The following DDB1 variants were observed in gnomAD, a reference collection of about 807,000 sequenced individuals.
The protein encoded by DDB1 is damage specific DNA binding protein 1.
In DDB1, 18 loss-of-function variants were observed where a neutral mutation model predicts 133.1. That is an observed-to-expected ratio of 0.14 (90% confidence interval 0.09 to 0.20). The LOEUF (loss-of-function observed/expected upper bound fraction) is 0.20. Ranked by LOEUF, DDB1 falls within the 10% of genes least tolerant of loss-of-function variation. The pLI, the probability that DDB1 is intolerant of heterozygous loss-of-function variation, is 1.00. For synonymous variants in DDB1, 580 were observed against 550.5 expected, an observed-to-expected ratio of 1.05 and a Z score of -0.75; for missense variants, 828 against 1,459.2, an observed-to-expected ratio of 0.57 and a Z score of 7.05.
Position 61,303,148 on chromosome 11 carries a change from C to G in DDB1, c.2840G>C (p.Arg947Pro). 1 of 1,613,998 alleles carries G rather than the reference C, an allele frequency of 6.2e-7. No homozygotes were observed. Among genetic ancestry groups the G allele is most frequent in the Non-Finnish European group, 8.5e-7 (1 of 1,179,898 alleles). ...ACTCATCCAGTTGGGATTAAAGTCT[C>G]GAGCAATCTTAAAACAGACAAGGTG... Reference protein sequence around the residue: ...PMEGNFEEIARDFNPNWMSAV... With the variant: ...PMEGNFEEIAPDFNPNWMSAV... Residue 947 changes from arginine (R) to proline (P), a missense_variant, in exon 23 of 27, where the codon CGA (arginine) becomes CCA (proline). By Grantham distance (103) the Arg-to-Pro change is moderately radical. Transcript: ENST00000301764.
Position 61,300,848 on chromosome 11 carries a change from A to T in DDB1, c.3300T>A (p.Ile1100=). 6.2e-7 allele frequency: 1 copy of T among 1,614,210 alleles called. No individual in the cohort carries two copies. Among genetic ancestry groups the T allele is most frequent in the Non-Finnish European group, 8.5e-7 (1 of 1,180,030 alleles). ...CCACCTCCTGCATCTTGGGGCGGCT[A>T]ATATCCAGGAAACTCTCAATCAAGT... is the stretch of plus-strand genomic sequence containing the variant. ...DGDLIESFLD[I]SRPKMQEVVA... The change falls in exon 26 of 27, where the codon ATT becomes ATA. Residue 1100 remains isoleucine (I), a synonymous_variant. Transcript: ENST00000301764.
intron 16 of DDB1, among the ~76,000 whole-genome samples, chr11:61,312,646 T>A (rs1033169409): frequency 6.6e-6 from 1 of 152,000 alleles, no homozygotes; most frequent in African/African-American, 2.4e-5. Context: ...GTCACCAGGC[T>A]GGAGCGCAAT....
chr11:61,322,478 G>A (rs1856198241), intron 8 of DDB1, 66 bp from the exon 9 acceptor site: 4 of 1,199,088 alleles, frequency 3.3e-6, no homozygotes, highest in East Asian at 2.3e-5. Flanking sequence ...AAAAGAGATG[G>A]TTATTGTCCA....
intron 15 of DDB1, 21 bp from the exon 16 acceptor site, chr11:61,313,727 G>A: frequency 6.3e-7 from 1 of 1,590,636 alleles, no homozygotes; most frequent in Non-Finnish European, 8.6e-7. Context: ...AATGACATCA[G>A]GAGAAAGGAA....
intron 10 of DDB1, chr11:61,321,344 A>C (rs1455746584): frequency 3.0e-6 from 1 of 334,408 alleles, no homozygotes; most frequent in Non-Finnish European, 5.4e-6. Context: ...ATTAATTTTA[A>C]TTTATAATCT....
intron 21 of DDB1, among the ~76,000 whole-genome samples, chr11:61,304,882 A>T (rs1263683808): frequency 6.6e-6 from 1 of 151,982 alleles, no homozygotes; most frequent in Non-Finnish European, 1.5e-5. Context: ...CGCCTAAAAA[A>T]AAAAAAAAAG....
chr11:61,332,802 G>C (rs371297338), intron 1 of DDB1, 106 bp downstream of exon 1: 3 of 1,003,730 alleles, frequency 3.0e-6, no homozygotes, highest in Non-Finnish European at 4.0e-6. Flanking sequence ...CCTTCCATTC[G>C]CCGGGCCCAC....
At chr11:61,312,420 GC>G (rs1855989181) in intron 16 of DDB1, among the ~76,000 whole-genome samples, 1 of 151,986 alleles carries the variant, frequency 6.6e-6, no homozygotes, top group Non-Finnish European at 1.5e-5. Flanking sequence ...AGTCTGCTGG[GC>G]CCCCTCCCAG....
chr11:61,325,650 A>G lies in DDB1; in HGVS notation c.723T>C (p.Asn241=), dbSNP rs771324943. The change falls in exon 6 of 27, where the codon AAT becomes AAC. Residue 241 remains asparagine (N), a synonymous_variant. Transcript: ENST00000301764. Reference sequence around the variant, plus strand: ...GGGCAATAGCCAGGTATTTGTCACCATTGTGATAGGTGATTGACTCCTGTC... The same window carrying G: ...GGGCAATAGCCAGGTATTTGTCACCGTTGTGATAGGTGATTGACTCCTGTC... ...IIGQESITYH[N]GDKYLAIAPP... The G allele has an allele frequency of 2.5e-6, 4 of 1,614,002 alleles. No homozygotes were observed. Among genetic ancestry groups the G allele is most frequent in the Non-Finnish European group, 3.4e-6 (4 of 1,179,972 alleles).
intron 10 of DDB1, among the ~76,000 whole-genome samples, chr11:61,320,076 T>C (rs2134924066): frequency 6.6e-6 from 1 of 152,374 alleles, no homozygotes; most frequent in Non-Finnish European, 1.5e-5. Flanking sequence ...TTAATTTCAG[T>C]ACATTACTTT....
intron 8 of DDB1, 47 bp downstream of exon 8, chr11:61,322,964 A>C: frequency 6.7e-7 from 1 of 1,494,218 alleles, no homozygotes; most frequent in Non-Finnish European, 9.2e-7. Context: ...TTGATGAAGA[A>C]ACAGTGAGTA....
chr11:61,321,969 G>A, intron 9 of DDB1: 1 of 546,648 alleles, frequency 1.8e-6, no homozygotes, highest in Non-Finnish European at 3.3e-6. Context: ...AATGAGCACA[G>A]GATCTGTTAG....
At chr11:61,311,476 C>T (rs1855970951) in intron 18 of DDB1, 2 of 292,982 alleles carry the variant, frequency 6.8e-6, no homozygotes, top group Admixed American at 1.0e-4. Flanking sequence ...ACCTGGAAGC[C>T]CGTTCTGTCG....
At chr11:61,309,763 A>G (rs753800101) in intron 20 of DDB1, 33 bp downstream of exon 20, 63 of 1,597,904 alleles carry the variant, frequency 3.9e-5, no homozygotes, top group Non-Finnish European at 5.1e-5. Context: ...AGCATTTCAC[A>G]TCCCTCAGAA....
At chr11:61,316,939 A>G (rs1856079464) in intron 10 of DDB1, among the ~76,000 whole-genome samples, 1 of 78,188 alleles carries the variant, frequency 1.3e-5, no homozygotes, top group Non-Finnish European at 2.3e-5. Flanking sequence ...AAAAAAAAAA[A>G]AGGATAGATA....
Position 61,309,800 on chromosome 11 carries a change from C to T in DDB1, c.2562G>A (p.Ser854=), listed in dbSNP as rs771383564. ...CTGGAGACTGCGCCCACTTACCATC[C>T]GAATACTGAAAGACCACAATGCGAC... ...KQGRIVVFQY[S]DGKLQTVAEK... is the part of the protein sequence containing the mutation. Residue 854 remains serine, a synonymous_variant, in exon 20 of 27, where the codon TCG becomes TCA. Transcript: ENST00000301764. 7.4e-6 allele frequency: 12 copies of T among 1,612,326 alleles called. No individual in the cohort carries two copies. Among genetic ancestry groups the T allele is most frequent in the East Asian group, 6.7e-5 (3 of 44,882 alleles).
At chr11:61,323,496 C>T (rs1034324772) in intron 7 of DDB1, 2 of 248,216 alleles carry the variant, frequency 8.1e-6, no homozygotes, top group African/African-American at 2.2e-5. Context: ...ACTGCAACAT[C>T]GACCTCCCCG....
At chr11:61,300,453 C>G (rs902686306) in intron 26 of DDB1, among the ~76,000 whole-genome samples, 10 of 152,226 alleles carry the variant, frequency 6.6e-5, no homozygotes, top group Non-Finnish European at 1.0e-4. Flanking sequence ...GACACCATCT[C>G]CAGTGAGCAA....
chr11:61,309,133 A>G (rs2134902786), intron 20 of DDB1, 56 bp from the exon 21 acceptor site: 8 of 1,541,712 alleles, frequency 5.2e-6, no homozygotes, highest in Non-Finnish European at 7.2e-6. Flanking sequence ...TACCTCATCA[A>G]AAGAATCCTC....
Sources: allele counts gnomAD v4.1 joint callset (sites outside exome capture counted in the v4.1 genomes callset), GRCh38; gene constraint gnomAD v4.1.1; transcripts MANE v1.5; gene names NCBI Gene and HGNC (gene_info 2026-07-23, HGNC 2026-07-21).